The following CACNA1I variants were observed in gnomAD, a reference collection of about 807,000 sequenced individuals.
The protein encoded by CACNA1I is voltage-dependent T-type calcium channel subunit alpha-1I.
A neutral mutation model predicts 201.6 loss-of-function variants in CACNA1I; 74 were observed. The observed-to-expected ratio is 0.37, with a 90% CI of 0.30 to 0.45. CACNA1I has a LOEUF of 0.45. Ranked by LOEUF, CACNA1I falls within the 20% of genes least tolerant of loss-of-function variation. CACNA1I has a pLI of 1.00. For synonymous variants in CACNA1I, 1,431 were observed against 1,345.2 expected, an observed-to-expected ratio of 1.06 and a Z score of -1.40; for missense variants, 2,346 against 3,138.1, an observed-to-expected ratio of 0.75 and a Z score of 6.03.
chr22:39,661,093 A>G lies in CACNA1I; in HGVS notation c.2699-15A>G, dbSNP rs755300720. The stretch of plus-strand genomic sequence containing the variant: ...GCCATCTGTCCCTCCCTCTGTCTCC[A>G]TCTCACTCCTCCAGATCCCAAGCTC... On this transcript the variant is annotated splice_polypyrimidine_tract_variant and intron_variant, in intron 15 of 36. Transcript: ENST00000402142. 5 of 1,607,632 alleles carry G rather than the reference A, an allele frequency of 3.1e-6. No homozygotes were observed. In the East Asian group the frequency reaches 8.9e-5, roughly 29 times the overall value.
In CACNA1I at chr22:39,664,683, G is replaced by T. The variant is rs1455190346; in HGVS notation, c.3667-56G>T. Reference sequence around the variant, plus strand: ...CCTTGCATAGAGCCCGGTTGGCCCCGCCCACCTGCCCGCCCCTCCCGCGGC... The same window carrying T: ...CCTTGCATAGAGCCCGGTTGGCCCCTCCCACCTGCCCGCCCCTCCCGCGGC... On this transcript the variant is annotated intron_variant, in intron 20 of 36. Coordinates refer to ENST00000402142, the MANE Select transcript of CACNA1I (RefSeq NM_021096.4). The T allele has an allele frequency of 1.5e-5, 4 of 260,834 alleles. No homozygotes were observed. The East Asian group carries it at 3.5e-4, about 23-fold the overall frequency. The allele number at this position is 260,834 out of a possible 1,614,324, so 16.2% of individuals were successfully genotyped here.
At chr22:39,683,879 G>A (rs1377146950) in intron 35 of CACNA1I, among the ~76,000 whole-genome samples, 4 of 152,182 alleles carry the variant, frequency 2.6e-5, no homozygotes, top group Admixed American at 2.0e-4. Flanking sequence ...GCCTGGCCAG[G>A]CCCCATGGTG....
chr22:39,633,747 C>G (rs987205159), intron 4 of CACNA1I, among the ~76,000 whole-genome samples: 1 of 152,228 alleles, frequency 6.6e-6, no homozygotes, highest in Admixed American at 6.5e-5. Flanking sequence ...TCTACAGGAT[C>G]TTAGGGGGAG....
At chr22:39,674,606 A>G (rs1428144534) in intron 29 of CACNA1I, among the ~76,000 whole-genome samples, 1 of 152,178 alleles carries the variant, frequency 6.6e-6, no homozygotes, top group African/African-American at 2.4e-5. Context: ...AGATGTGATC[A>G]GGGCCACAGA....
Position 39,619,421 on chromosome 22 carries a change from G to A in CACNA1I, c.580+14G>A, listed in dbSNP as rs368866982. 8 of 1,592,670 alleles carry A rather than the reference G, an allele frequency of 5.0e-6. No homozygotes were observed. The highest frequency in any genetic ancestry group is 2.7e-5 in the African/African-American group (2 of 74,678). On this transcript the variant is annotated intron_variant, in intron 4 of 36. Transcript: ENST00000402142. Reference sequence around the variant, plus strand: ...ACCGCGTGCCCAGTGAGTCAGCCCCGCCCTGTCCACACATTCCTGGCTGAT... The same window carrying A: ...ACCGCGTGCCCAGTGAGTCAGCCCCACCCTGTCCACACATTCCTGGCTGAT...
intron 3 of CACNA1I, among the ~76,000 whole-genome samples, chr22:39,601,594 G>A (rs1402999826): frequency 6.6e-6 from 1 of 152,064 alleles, no homozygotes; most frequent in South Asian, 2.1e-4. Flanking sequence ...GTGTGAGTGT[G>A]TGTGTCAGTG....
chr22:39,663,918 A>T, intron 19 of CACNA1I, 77 bp downstream of exon 19: 2 of 1,584,902 alleles, frequency 1.3e-6, no homozygotes, highest in Non-Finnish European at 1.7e-6. Context: ...GGGCAGGGAG[A>T]CCTCACCGAG....
intron 1 of CACNA1I, among the ~76,000 whole-genome samples, chr22:39,595,336 CAATT>C (rs1932868983): frequency 1.3e-5 from 2 of 151,374 alleles, no homozygotes; most frequent in Non-Finnish European, 2.9e-5. Flanking sequence ...TAAAATAAAA[CAATT>C]AGGCCAGGCA....
chr22:39,594,377 C>T (rs1207375900), intron 1 of CACNA1I, among the ~76,000 whole-genome samples: 5 of 151,742 alleles, frequency 3.3e-5, no homozygotes, highest in African/African-American at 1.2e-4. Context: ...AGGGGAAAGG[C>T]GAGGGGGATG....
At chr22:39,588,871 G>A (rs951589947) in intron 1 of CACNA1I, among the ~76,000 whole-genome samples, 12 of 152,160 alleles carry the variant, frequency 7.9e-5, no homozygotes, top group Admixed American at 5.9e-4. Flanking sequence ...GGAGTTACGC[G>A]TTGTTTGCTC....
chr22:39,670,463 G>A (rs1218009334), intron 25 of CACNA1I, among the ~76,000 whole-genome samples: 1 of 152,224 alleles, frequency 6.6e-6, no homozygotes, highest in Non-Finnish European at 1.5e-5. Context: ...GGCTGTTGGG[G>A]GTTCAGCCCA....
rs764749402 is a variant in CACNA1I, at chr22:39,659,647, C to T, written c.2449-50C>T. ...ACAACTCCCATGCCTCCTTGTAGAG[C>T]CTAGCCCTGGACTAGGGGTACCCCA... On this transcript the variant is annotated intron_variant, in intron 13 of 36. Transcript: ENST00000402142. This position sits in a 1 kb window ranked among gnomAD's most constrained non-coding sequence, Gnocchi z 4.3. 2 of 1,609,438 alleles carry T rather than the reference C, an allele frequency of 1.2e-6. No homozygotes were observed. The highest frequency in any genetic ancestry group is 4.5e-5 in the East Asian group (2 of 44,822).
chr22:39,591,824 T>C (rs1932825984), intron 1 of CACNA1I, among the ~76,000 whole-genome samples: 1 of 152,204 alleles, frequency 6.6e-6, no homozygotes, highest in Non-Finnish European at 1.5e-5. Context: ...CCCCCCAAAG[T>C]GCTGGGATCA....
intron 4 of CACNA1I, among the ~76,000 whole-genome samples, chr22:39,627,581 C>T (rs1046626317): frequency 1.3e-5 from 2 of 152,216 alleles, no homozygotes; most frequent in East Asian, 1.9e-4. Context: ...TGAAGAGGGG[C>T]GAGGAAGGCC....
Position 39,684,309 on chromosome 22 carries a change from A to G in CACNA1I, c.5838A>G (p.Pro1946=). 6.2e-7 allele frequency: 1 copy of G among 1,613,184 alleles called. No individual in the cohort carries two copies. Among genetic ancestry groups the G allele is most frequent in the Non-Finnish European group, 8.5e-7 (1 of 1,179,710 alleles). The part of the protein sequence containing the change: ...WLKHDSSQAP[P]SPFSPDASSP... Reference sequence around the variant, plus strand: ...CTTCTCCTTTCCCAGCAGCACCCCCAAGTCCCTTCTCCCCGGATGCCTCCA... The same window carrying G: ...CTTCTCCTTTCCCAGCAGCACCCCCGAGTCCCTTCTCCCCGGATGCCTCCA... Residue 1946 remains proline (P), a synonymous_variant, in exon 36 of 37, where the codon CCA becomes CCG. Transcript: ENST00000402142. The surrounding 1 kb of genome is among the most constrained non-coding windows in gnomAD (Gnocchi z 4.6).
rs1346267187 is a variant in CACNA1I, at chr22:39,648,907, C to A, written c.1568-594C>A. Among the ~76,000 whole-genome samples, 1 of 152,042 alleles carries A rather than the reference C, an allele frequency of 6.6e-6. No individual in the cohort carries two copies. The highest frequency in any genetic ancestry group is 1.5e-5 in the Non-Finnish European group (1 of 67,986). ...AGGGGCCCTTCCTGCCCGCTGCCCC[C>A]ACCTCCACCCCTTGCGTGGAGGGAA... is the stretch of plus-strand genomic sequence containing the variant. On this transcript the variant is annotated intron_variant, in intron 9 of 36. Coordinates refer to ENST00000402142, the MANE Select transcript of CACNA1I (RefSeq NM_021096.4). This position sits in a 1 kb window ranked among gnomAD's most constrained non-coding sequence, Gnocchi z 5.4.
At chr22:39,637,669 T>C (rs887699212) in intron 5 of CACNA1I, among the ~76,000 whole-genome samples, 2 of 152,242 alleles carry the variant, frequency 1.3e-5, no homozygotes, top group Non-Finnish European at 2.9e-5. Context: ...CTCAGCGGAA[T>C]ACTCACAGAC....
At chr22:39,604,213 A>G (rs987786823) in intron 3 of CACNA1I, among the ~76,000 whole-genome samples, 1 of 152,020 alleles carries the variant, frequency 6.6e-6, no homozygotes, top group Admixed American at 6.6e-5. Context: ...AGCATTCTGT[A>G]TTGCTTAGCG....
chr22:39,675,915 C>T (rs1935501914), intron 29 of CACNA1I, among the ~76,000 whole-genome samples: 1 of 152,180 alleles, frequency 6.6e-6, no homozygotes, highest in African/African-American at 2.4e-5. Context: ...CAGGTCACAG[C>T]ACACCTTCAG....
Sources: allele counts gnomAD v4.1 joint callset (sites outside exome capture counted in the v4.1 genomes callset), GRCh38; gene constraint gnomAD v4.1.1; non-coding constraint Gnocchi (gnomAD v3.1); transcripts MANE v1.5; gene names NCBI Gene and HGNC (gene_info 2026-07-23, HGNC 2026-07-21).